The following TMEM181 variants were observed in gnomAD, a reference collection of about 807,000 sequenced individuals.
TMEM181 encodes G protein-coupled receptor 178.
In TMEM181, 39 loss-of-function variants were observed where a neutral mutation model predicts 71.9. That is an observed-to-expected ratio of 0.54 (90% confidence interval 0.42 to 0.71). TMEM181 has a LOEUF of 0.71. Among genes scored for constraint, TMEM181 ranks in the 30% least tolerant of loss-of-function variants. The pLI is 0.00. For synonymous variants in TMEM181, 245 were observed against 228.8 expected (o/e 1.07, Z -0.64); for missense variants, 595 against 583.0 (o/e 1.02, Z -0.21).
intron 6 of TMEM181, among the ~76,000 whole-genome samples, chr6:158,590,096 G>A (rs924802959): frequency 3.3e-5 from 5 of 152,094 alleles, no homozygotes; most frequent in African/African-American, 2.4e-5. Context: ...GTGAGTGGTC[G>A]TCAGTCTCTG....
chr6:158,629,664 C>T (rs1029184649), intron 14 of TMEM181, 66 bp from the exon 15 acceptor site: 36 of 1,349,362 alleles, frequency 2.7e-5, no homozygotes, highest in South Asian at 1.3e-4. Context: ...GAGGAGTGGT[C>T]GGGCTGTAGG....
At chr6:158,560,382 C>G in intron 1 of TMEM181, 150 bp downstream of exon 1, 2 of 943,746 alleles carry the variant, frequency 2.1e-6, no homozygotes, top group Non-Finnish European at 2.5e-6. Context: ...GGGGGCTTCG[C>G]GGGCGGGTCA....
intron 1 of TMEM181, among the ~76,000 whole-genome samples, chr6:158,553,377 A>G (rs1434369594): frequency 1.3e-5 from 2 of 152,242 alleles, no homozygotes; most frequent in East Asian, 3.8e-4. Flanking sequence ...AAACTGAGAT[A>G]TTAGACAAAG....
At chr6:158,616,275 GCTCT>G (rs1785607909) in intron 10 of TMEM181, among the ~76,000 whole-genome samples, 1 of 94,116 alleles carries the variant, frequency 1.1e-5, no homozygotes, top group African/African-American at 4.6e-5. Context: ...TCATGATTTG[GCTCT>G]TTGTTTGTCT....
intron 2 of TMEM181, among the ~76,000 whole-genome samples, chr6:158,576,629 GGCTGATCCT>G (rs1209690771): frequency 1.3e-5 from 2 of 152,066 alleles, no homozygotes; most frequent in Non-Finnish European, 2.9e-5. Flanking sequence ...TTAAACCTCA[GGCTGATCCT>G]TTGCACAGAG....
chr6:158,583,079 A>G (rs1783566636), intron 3 of TMEM181, among the ~76,000 whole-genome samples: 1 of 152,044 alleles, frequency 6.6e-6, no homozygotes, highest in Admixed American at 6.6e-5. Flanking sequence ...CTAGAAATAG[A>G]AAAATTAGCT....
At chr6:158,554,246 C>A (rs534273688) in intron 1 of TMEM181, among the ~76,000 whole-genome samples, 3 of 151,656 alleles carry the variant, frequency 2.0e-5, no homozygotes, top group Non-Finnish European at 4.4e-5. Flanking sequence ...CCACCACGCC[C>A]GGCTAATTTT....
chr6:158,583,917 A>G (rs1222814407), intron 3 of TMEM181, 37 bp from the exon 4 acceptor site: 1 of 1,518,918 alleles, frequency 6.6e-7, no homozygotes, highest in Admixed American at 1.9e-5. Flanking sequence ...GACTCAATGA[A>G]AAGGTCACAT....
intron 6 of TMEM181, among the ~76,000 whole-genome samples, chr6:158,591,422 A>G (rs1784103166): frequency 6.6e-6 from 1 of 152,076 alleles, no homozygotes; most frequent in South Asian, 2.1e-4. Flanking sequence ...TCTTCCTTTC[A>G]GCCCTTTGCC....
intron 15 of TMEM181, 66 bp downstream of exon 15, chr6:158,629,885 A>T: frequency 7.5e-7 from 1 of 1,341,852 alleles, no homozygotes; most frequent in South Asian, 1.2e-5. Flanking sequence ...TTCATCCACG[A>T]CCCACTTCCC....
intron 1 of TMEM181, among the ~76,000 whole-genome samples, chr6:158,549,163 G>A (rs1406105650): frequency 7.3e-6 from 1 of 137,334 alleles, no homozygotes; most frequent in Non-Finnish European, 1.5e-5. Flanking sequence ...TGTTGCCCAG[G>A]CTGGAGCCCA....
At chr6:158,618,111 C>CT (rs1399601715) in intron 10 of TMEM181, among the ~76,000 whole-genome samples, 5 of 152,286 alleles carry the variant, frequency 3.3e-5, no homozygotes, top group Admixed American at 2.0e-4. Flanking sequence ...GTGTGGAAGT[C>CT]TAAGTCTCTT....
At position 158,607,290 on chromosome 6, in the gene TMEM181, G is replaced by A; in HGVS notation, c.620G>A (p.Gly207Asp). 2 of 1,614,202 alleles carry A rather than the reference G, an allele frequency of 1.2e-6. No homozygotes were observed. The highest frequency in any genetic ancestry group is 1.7e-6 in the Non-Finnish European group (2 of 1,180,040). ...SLRKFSMRDW[G>D]IEQKWMSVLL... The stretch of plus-strand genomic sequence containing the variant: ...CGGAAATTTTCCATGAGAGACTGGG[G>A]CATCGAGCAGAAGTGGATGTCTGTT... Residue 207 changes from glycine (G) to aspartate (D), a missense_variant, in exon 8 of 17, where the codon GGC becomes GAC. Physicochemically the swap from Gly to Asp is moderately conservative, Grantham distance 94. Coordinates refer to ENST00000684151, the MANE Select transcript of TMEM181 (RefSeq NM_001376852.1).
At chr6:158,617,194 T>C (rs906036179) in intron 10 of TMEM181, among the ~76,000 whole-genome samples, 10 of 152,242 alleles carry the variant, frequency 6.6e-5, no homozygotes, top group Non-Finnish European at 1.0e-4. Context: ...ATTCAGCTTC[T>C]TCCTGGTTTC....
intron 1 of TMEM181, among the ~76,000 whole-genome samples, chr6:158,552,030 G>A (rs1781737867): frequency 6.6e-6 from 1 of 152,180 alleles, no homozygotes; most frequent in Non-Finnish European, 1.5e-5. Flanking sequence ...GCTCAAGACA[G>A]GATCACAGCT....
intron 13 of TMEM181, 139 bp downstream of exon 13, chr6:158,625,893 C>A (rs1786247576): frequency 1.3e-6 from 1 of 760,662 alleles, no homozygotes; most frequent in Non-Finnish European, 2.2e-6. Flanking sequence ...GGCCTCCCAC[C>A]AAGGCTGGGC....
chr6:158,581,098 C>A, intron 3 of TMEM181, 103 bp downstream of exon 3: 1 of 1,120,918 alleles, frequency 8.9e-7, no homozygotes, highest in Non-Finnish European at 1.3e-6. Context: ...CCTTCCCTTG[C>A]CTTGCGGCTT....
chr6:158,575,369 C>T (rs1283625320), intron 2 of TMEM181, among the ~76,000 whole-genome samples: 3 of 147,490 alleles, frequency 2.0e-5, no homozygotes, highest in African/African-American at 7.6e-5. Flanking sequence ...TTTTTTTTTG[C>T]CCAGGCTAGA....
chr6:158,618,237 CTTCT>C (rs1785731438), intron 10 of TMEM181, among the ~76,000 whole-genome samples: 3 of 152,168 alleles, frequency 2.0e-5, no homozygotes, highest in Admixed American at 6.5e-5. Context: ...ATGTAATGGC[CTTCT>C]TTGTCTCTTT....
Sources: allele counts gnomAD v4.1 joint callset (sites outside exome capture counted in the v4.1 genomes callset), GRCh38; gene constraint gnomAD v4.1.1; transcripts MANE v1.5; gene names NCBI Gene and HGNC (gene_info 2026-07-23, HGNC 2026-07-21).